KCNK12: variants seen among roughly 807,000 people sequenced by gnomAD.
The protein encoded by KCNK12 is potassium channel subfamily K member 12.
A neutral mutation model predicts 25.3 loss-of-function variants in KCNK12; 6 were observed. The observed-to-expected ratio is 0.24, with a 90% CI of 0.13 to 0.47. KCNK12 has a LOEUF of 0.47. KCNK12 is among the 20% of genes least tolerant of loss of function. The probability of loss-of-function intolerance (pLI) is 0.99; values close to 1 mark genes in which losing one functional copy is unlikely to be tolerated. For synonymous variants in KCNK12, 331 were observed against 311.1 expected (o/e 1.06, Z -0.67); for missense variants, 444 against 661.7 (o/e 0.67, Z 3.61).
chr2:47,568,911 G>A lies in KCNK12; in HGVS notation c.391+1030C>T, dbSNP rs948882365. Among the ~76,000 whole-genome samples, 7 of 152,274 alleles carry A rather than the reference G, an allele frequency of 4.6e-5. No individual in the cohort carries two copies. The South Asian group carries it at 1.2e-3, about 27-fold the overall frequency. ...TGCGTTTCTGCTGCACTCTATACAGGTGAGTAACCGAGGGTGGGGGCTTTG... is the reference window on the plus strand; with the variant it reads ...TGCGTTTCTGCTGCACTCTATACAGATGAGTAACCGAGGGTGGGGGCTTTG... On this transcript the variant is annotated intron_variant, in intron 1 of 1. Coordinates refer to ENST00000327876, the MANE Select transcript of KCNK12 (RefSeq NM_022055.2).
In KCNK12 at chr2:47,570,107, C is replaced by G. The variant is rs1017257655; in HGVS notation, c.225G>C (p.Thr75=). 7.1e-7 allele frequency: 1 copy of G among 1,409,320 alleles called. No individual in the cohort carries two copies. The highest frequency in any genetic ancestry group is 9.2e-7 in the Non-Finnish European group (1 of 1,082,504). 87.3% of individuals were successfully genotyped at this position (1,409,320 alleles called of 1,614,324 possible). ...CGTGCGCAGCGCTGAAGTTGCGCAG[C>G]GTGGCGCCCCAGCGCGCCCGCGCCT... ...EAEARARWGA[T]LRNFSAAHGV... is the part of the protein sequence containing the mutation. Residue 75 remains threonine (T), a synonymous_variant, in exon 1 of 2, where the codon ACG becomes ACC. Coordinates refer to ENST00000327876, the MANE Select transcript of KCNK12 (RefSeq NM_022055.2).
chr2:47,541,537 C>G (rs920634682), intron 1 of KCNK12, among the ~76,000 whole-genome samples: 2 of 152,128 alleles, frequency 1.3e-5, no homozygotes, highest in African/African-American at 4.8e-5. Flanking sequence ...CCCTGTTCTG[C>G]ACTGAACTGT....
chr2:47,520,624 A>G lies in KCNK12; in HGVS notation c.*283T>C. The G allele has an allele frequency of 3.1e-6, 1 of 326,514 alleles. No homozygotes were observed. Among genetic ancestry groups the G allele is most frequent in the Non-Finnish European group, 5.5e-6 (1 of 181,974 alleles). 20.2% of individuals were successfully genotyped at this position (326,514 alleles called of 1,614,324 possible). A position where few individuals can be genotyped will look rare whatever the true frequency, so the allele number is the denominator to read the frequency against. On this transcript the variant is annotated 3_prime_UTR_variant, in exon 2 of 2. Transcript: ENST00000327876. The surrounding 1 kb of genome is among the most constrained non-coding windows in gnomAD (Gnocchi z 5.0). The stretch of plus-strand genomic sequence containing the variant: ...TCTGCAAAACCCTCCTCGCTGCGGT[A>G]TGCCCTGGGTGTGGGCCTGGGGGGC...
intron 1 of KCNK12, among the ~76,000 whole-genome samples, chr2:47,536,465 C>G (rs1424275815): frequency 3.3e-5 from 5 of 152,234 alleles, no homozygotes; most frequent in African/African-American, 1.2e-4. Flanking sequence ...GTCCAGTGAT[C>G]ACCAGCAGAC....
intron 1 of KCNK12, among the ~76,000 whole-genome samples, chr2:47,541,647 C>T (rs13029485): frequency 0.089 from 13,560 of 152,124 alleles, 871 homozygotes; most frequent in Non-Finnish European, 0.13. Context: ...CAAGGTAAAA[C>T]GAGGCCATTA....
At chr2:47,532,206 C>G (rs141446917) in intron 1 of KCNK12, among the ~76,000 whole-genome samples, 232 of 146,776 alleles carry the variant, frequency 1.6e-3, no homozygotes, top group Middle Eastern at 0.01. Context: ...AATAAGCAAA[C>G]AAACAAATTT....
intron 1 of KCNK12, among the ~76,000 whole-genome samples, chr2:47,526,242 A>C (rs1266448322): frequency 8.1e-5 from 5 of 61,654 alleles, no homozygotes; most frequent in African/African-American, 3.6e-4. Context: ...TAAAAATACA[A>C]AAAAAAAAAA....
In KCNK12 at chr2:47,521,154, C is replaced by G; in HGVS notation, c.1046G>C (p.Gly349Ala). ...SRLRRRLAAL[G>A]ADPAARDSDA... ...GCTGTCGCGGGCCGCGGGGTCGGCA[C>G]CGAGCGCGGCCAGGCGGCGGCGCAG... The change falls in exon 2 of 2, where the codon GGT becomes GCT. Residue 349 changes from glycine to alanine, a missense_variant. By Grantham distance (60) the Gly-to-Ala change is moderately conservative. Around this residue, in one of 8 missense-constraint regions of KCNK12, gnomAD observed 69 missense variants for 81.7 expected, o/e 0.84. Transcript: ENST00000327876. 1 of 1,290,734 alleles carries G rather than the reference C, an allele frequency of 7.7e-7. No homozygotes were observed. The highest frequency in any genetic ancestry group is 9.8e-7 in the Non-Finnish European group (1 of 1,023,470). 80.0% of individuals were successfully genotyped at this position (1,290,734 alleles called of 1,614,324 possible).
At chr2:47,521,859 CA>C in intron 1 of KCNK12, 51 bp from the exon 2 acceptor site, 2 of 1,441,724 alleles carry the variant, frequency 1.4e-6, no homozygotes, top group Non-Finnish European at 1.8e-6. Context: ...AGGTGGTCCT[CA>C]CTGGGCGAGG....
rs1337408176 is a variant in KCNK12 at position 47,514,832 on chromosome 2, G to C, written c.*6075C>G. 6.6e-6 allele frequency among the ~76,000 whole-genome samples: 1 copy of C among 152,048 alleles called. No individual in the cohort carries two copies. Among genetic ancestry groups the C allele is most frequent in the Non-Finnish European group, 1.5e-5 (1 of 68,008 alleles). ...TCGACATGTTGCCTAGGCTGGTCTC[G>C]AACTCCTAGGCTAAAGTGATCCACT... On this transcript the variant is annotated 3_prime_UTR_variant, in exon 2 of 2. Transcript: ENST00000327876. This position sits in a 1 kb window ranked among gnomAD's most constrained non-coding sequence, Gnocchi z 5.0.
rs12986919 is a variant in KCNK12 at position 47,512,581 on chromosome 2, C to T, written c.*8326G>A. 16 of 895,172 alleles carry T rather than the reference C, an allele frequency of 1.8e-5. No individual in the cohort carries two copies. The African/African-American group carries it at 2.4e-4, about 13-fold the overall frequency. 55.5% of individuals were successfully genotyped at this position (895,172 alleles called of 1,614,324 possible). A position where few individuals can be genotyped will look rare whatever the true frequency, so the allele number is the denominator to read the frequency against. ...AATATAACTTTCTCTGCCCAGATTC[C>T]AGGACTTACAGTGAGAAAGCGCCTT... On this transcript the variant is annotated 3_prime_UTR_variant, in exon 2 of 2. Transcript: ENST00000327876.
chr2:47,552,622 G>T (rs1214663652), intron 1 of KCNK12, among the ~76,000 whole-genome samples: 1 of 151,970 alleles, frequency 6.6e-6, no homozygotes, highest in East Asian at 1.9e-4. Context: ...ACAAAAATTA[G>T]CTGGGCATGG....
At chr2:47,537,048 C>T (rs1319924325) in intron 1 of KCNK12, among the ~76,000 whole-genome samples, 1 of 152,190 alleles carries the variant, frequency 6.6e-6, no homozygotes, top group Non-Finnish European at 1.5e-5. Flanking sequence ...CTTGCCTGAT[C>T]AGGGGTTCTG....
intron 1 of KCNK12, among the ~76,000 whole-genome samples, chr2:47,534,434 C>T (rs1171856599): frequency 7.0e-6 from 1 of 142,122 alleles, no homozygotes; most frequent in Non-Finnish European, 1.5e-5. Flanking sequence ...GTCTCCAGGC[C>T]CCCCCCACCG....
intron 1 of KCNK12, among the ~76,000 whole-genome samples, chr2:47,526,261 C>G (rs1558548580): frequency 6.7e-6 from 1 of 150,090 alleles, no homozygotes; most frequent in Non-Finnish European, 1.5e-5. Flanking sequence ...AAAAAATTAG[C>G]CAGGTGTGGC....
In KCNK12 at chr2:47,562,372, A is replaced by G. The variant is rs907370483; in HGVS notation, c.391+7569T>C. 2.8e-5 allele frequency: 10 copies of G among 355,698 alleles called. No individual in the cohort carries two copies. Among genetic ancestry groups the G allele is most frequent in the Non-Finnish European group, 4.5e-5 (9 of 199,166 alleles). 22.0% of individuals were successfully genotyped at this position (355,698 alleles called of 1,614,324 possible). The stretch of plus-strand genomic sequence containing the variant: ...TCACCTTGGAATGAGATCCTCTGGG[A>G]TCTGGAGGAAGCAGATGGAGGAGAA... On this transcript the variant is annotated intron_variant, in intron 1 of 1. Coordinates refer to ENST00000327876, the MANE Select transcript of KCNK12 (RefSeq NM_022055.2). This position sits in a 1 kb window ranked among gnomAD's most constrained non-coding sequence, Gnocchi z 4.8.
Position 47,557,045 on chromosome 2 carries a change from G to C in KCNK12, c.391+12896C>G, listed in dbSNP as rs1188848252. On this transcript the variant is annotated intron_variant, in intron 1 of 1. Transcript: ENST00000327876. The surrounding 1 kb of genome is among the most constrained non-coding windows in gnomAD (Gnocchi z 4.9). ...CTGTGGGAGGCTGGAGAAGGCTGGAGAGGAACTCAGTGAGGCAGACTTCAG... is the reference window on the plus strand; with the variant it reads ...CTGTGGGAGGCTGGAGAAGGCTGGACAGGAACTCAGTGAGGCAGACTTCAG... Among the ~76,000 whole-genome samples, 1 of 152,232 alleles carries C rather than the reference G, an allele frequency of 6.6e-6. No homozygotes were observed.
intron 1 of KCNK12, among the ~76,000 whole-genome samples, chr2:47,545,963 A>ATC (rs1669304547): frequency 6.6e-6 from 1 of 151,028 alleles, no homozygotes; most frequent in Admixed American, 6.6e-5. Flanking sequence ...GGCAGCCAGT[A>ATC]TCATCTACAT....
At chr2:47,521,873 G>A (rs1362176150) in intron 1 of KCNK12, 65 bp from the exon 2 acceptor site, 5 of 1,275,386 alleles carry the variant, frequency 3.9e-6, no homozygotes, top group African/African-American at 3.1e-5. Context: ...GGGCGAGGGT[G>A]GGGGGTGTGG....
Sources: allele counts gnomAD v4.1 joint callset (sites outside exome capture counted in the v4.1 genomes callset), GRCh38; gene constraint gnomAD v4.1.1; regional missense constraint gnomAD v4.1.1; non-coding constraint Gnocchi (gnomAD v3.1); transcripts MANE v1.5; gene names NCBI Gene and HGNC (gene_info 2026-07-23, HGNC 2026-07-21).